Variants in PPP1R12A observed in about 807,000 individuals in gnomAD.
The protein encoded by PPP1R12A is myosin binding subunit.
A neutral mutation model predicts 139.6 loss-of-function variants in PPP1R12A; 19 were observed. The ratio of observed to expected loss-of-function variants is 0.14; its 90% CI spans 0.09 to 0.20. The LOEUF is 0.20. Among genes scored for constraint, PPP1R12A ranks in the 10% least tolerant of loss-of-function variants. The pLI is 1.00. For missense variants in PPP1R12A, 925 were observed against 1,211.5 expected (o/e 0.76, Z 3.51); for synonymous variants, 427 against 420.6 (o/e 1.02, Z -0.19).
chr12:79,900,502 A>G (rs1311843271), intron 1 of PPP1R12A, among the ~76,000 whole-genome samples: 1 of 152,246 alleles, frequency 6.6e-6, no homozygotes, highest in African/African-American at 2.4e-5. Flanking sequence ...TGCCTTTGAA[A>G]CAAATGGCAG....
intron 20 of PPP1R12A, 60 bp downstream of exon 20, chr12:79,790,407 C>T: frequency 1.8e-6 from 2 of 1,124,806 alleles, no homozygotes; most frequent in African/African-American, 1.6e-5. Context: ...CCTAGCAACA[C>T]ATTTTTAACA....
At chr12:79,814,867 T>C (rs1427875792) in intron 9 of PPP1R12A, among the ~76,000 whole-genome samples, 1 of 151,350 alleles carries the variant, frequency 6.6e-6, no homozygotes, top group Non-Finnish European at 1.5e-5. Context: ...CATGATCGTT[T>C]TGAATAAAAT....
intron 1 of PPP1R12A, among the ~76,000 whole-genome samples, chr12:79,920,106 C>G (rs1276654117): frequency 2.6e-5 from 4 of 152,208 alleles, no homozygotes; most frequent in African/African-American, 9.7e-5. Flanking sequence ...CTGGACATTT[C>G]ATATAAATGG....
intron 2 of PPP1R12A, among the ~76,000 whole-genome samples, chr12:79,859,442 A>G (rs545668995): frequency 3.3e-5 from 5 of 151,930 alleles, no homozygotes; most frequent in African/African-American, 1.2e-4. Flanking sequence ...TTTAAAGCTG[A>G]GCCAACAGAA....
chr12:79,894,480 C>T (rs2137439759), intron 1 of PPP1R12A, among the ~76,000 whole-genome samples: 1 of 152,172 alleles, frequency 6.6e-6, no homozygotes, highest in African/African-American at 2.4e-5. Flanking sequence ...AAAGTCACAT[C>T]TAATAATCTT....
intron 1 of PPP1R12A, among the ~76,000 whole-genome samples, chr12:79,921,161 A>G (rs1887406987): frequency 6.6e-6 from 1 of 151,526 alleles, no homozygotes; most frequent in Non-Finnish European, 1.5e-5. Flanking sequence ...ACAAAAGATG[A>G]TTTTTTTTTA....
At chr12:79,778,088 T>C (rs932323941) in intron 24 of PPP1R12A, among the ~76,000 whole-genome samples, 2 of 152,010 alleles carry the variant, frequency 1.3e-5, no homozygotes, top group African/African-American at 4.8e-5. Context: ...TAATATGGAG[T>C]TTGATAAAAT....
At chr12:79,876,727 A>G (rs527303768) in intron 1 of PPP1R12A, among the ~76,000 whole-genome samples, 1 of 152,320 alleles carries the variant, frequency 6.6e-6, no homozygotes, top group Admixed American at 6.5e-5. Flanking sequence ...CAAAGTTTCT[A>G]TCAAGAAAAG....
intron 1 of PPP1R12A, among the ~76,000 whole-genome samples, chr12:79,911,354 A>C (rs1442299935): frequency 6.6e-6 from 1 of 152,196 alleles, no homozygotes; most frequent in Non-Finnish European, 1.5e-5. Context: ...AGGAACAGCA[A>C]ACCAAATACT....
intron 9 of PPP1R12A, among the ~76,000 whole-genome samples, chr12:79,812,703 T>C (rs1377002917): frequency 6.6e-6 from 1 of 152,118 alleles, no homozygotes; most frequent in East Asian, 1.9e-4. Flanking sequence ...GAGTGGACAA[T>C]CTAGAACTAT....
At chr12:79,929,784 T>C (rs942018807) in intron 1 of PPP1R12A, among the ~76,000 whole-genome samples, 3 of 151,884 alleles carry the variant, frequency 2.0e-5, no homozygotes, top group South Asian at 4.2e-4. Flanking sequence ...AAAAAAAAGA[T>C]TTTTTTAAAA....
At position 79,793,549 on chromosome 12, in the gene PPP1R12A, G is replaced by A. The variant is rs531659120; in HGVS notation, c.2649+314C>T. Reference sequence around the variant, plus strand: ...TTTTTTTGCTTTTTCTTTTAACTCCGAAGGTTAAATGACATACATTAAATT... The same window carrying A: ...TTTTTTTGCTTTTTCTTTTAACTCCAAAGGTTAAATGACATACATTAAATT... On this transcript the variant is annotated intron_variant, in intron 19 of 24. Transcript: ENST00000450142. Among the ~76,000 whole-genome samples the A allele has an allele frequency of 2.6e-5, 4 of 152,060 alleles. No homozygotes were observed. In the Middle Eastern group the frequency reaches 0.01, roughly 388 times the overall value.
intron 1 of PPP1R12A, among the ~76,000 whole-genome samples, chr12:79,891,846 T>C (rs2137427993): frequency 6.6e-6 from 1 of 152,286 alleles, no homozygotes; most frequent in Admixed American, 6.5e-5. Context: ...AAGCAAGGCC[T>C]GCCAATAACA....
intron 5 of PPP1R12A, among the ~76,000 whole-genome samples, chr12:79,827,441 T>C (rs1876925786): frequency 6.6e-6 from 1 of 152,190 alleles, no homozygotes; most frequent in East Asian, 1.9e-4. Flanking sequence ...TAACCTATGA[T>C]ATTATCCTAT....
chr12:79,874,324 A>G (rs1489582491), intron 1 of PPP1R12A, among the ~76,000 whole-genome samples: 1 of 152,060 alleles, frequency 6.6e-6, no homozygotes, highest in Admixed American at 6.5e-5. Context: ...TGCCAATGAT[A>G]AACTTTCAAG....
At chr12:79,931,707 A>C (rs550368662) in intron 1 of PPP1R12A, among the ~76,000 whole-genome samples, 32 of 152,178 alleles carry the variant, frequency 2.1e-4, no homozygotes, top group African/African-American at 7.0e-4. Context: ...ATGAAATTCT[A>C]CTCTAGACCT....
chr12:79,921,135 T>A (rs1887403975), intron 1 of PPP1R12A, among the ~76,000 whole-genome samples: 1 of 152,198 alleles, frequency 6.6e-6, no homozygotes, highest in South Asian at 2.1e-4. Flanking sequence ...ACCTTTAATA[T>A]ATGTTAAATG....
In PPP1R12A at chr12:79,806,223, C is replaced by G. The variant is rs755480715; in HGVS notation, c.1766G>C (p.Ser589Thr). The G allele has an allele frequency of 5.0e-6, 8 of 1,613,840 alleles. No individual in the cohort carries two copies. Among genetic ancestry groups the G allele is most frequent in the Non-Finnish European group, 6.8e-6 (8 of 1,179,858 alleles). Residue 589 changes from serine (S) to threonine (T), a missense_variant, in exon 13 of 25, where the codon AGC becomes ACC. Ser to Thr is a moderately conservative substitution (Grantham distance 58, BLOSUM62 1). Coordinates refer to ENST00000450142, the MANE Select transcript of PPP1R12A (RefSeq NM_002480.3). ...AAGLQKSLLS[S>T]TSTTTKITTG... Reference sequence around the variant, plus strand: ...TGTAATCTTTGTAGTAGTGCTTGTGCTGGAAAGCAGGCTTTTCTGAAGCCC... The same window carrying G: ...TGTAATCTTTGTAGTAGTGCTTGTGGTGGAAAGCAGGCTTTTCTGAAGCCC...
At chr12:79,925,502 TTTTA>T (rs964293046) in intron 1 of PPP1R12A, among the ~76,000 whole-genome samples, 1 of 152,220 alleles carries the variant, frequency 6.6e-6, no homozygotes, top group Admixed American at 6.5e-5. Flanking sequence ...AAGTAAAGCT[TTTTA>T]TTAAGTGAAG....
Sources: allele counts gnomAD v4.1 joint callset (sites outside exome capture counted in the v4.1 genomes callset), GRCh38; gene constraint gnomAD v4.1.1; transcripts MANE v1.5; gene names NCBI Gene and HGNC (gene_info 2026-07-23, HGNC 2026-07-21).